The following ZNF185 variants were observed in gnomAD, a reference collection of about 807,000 sequenced individuals.
The protein encoded by ZNF185 is zinc finger protein 185.
ZNF185 carries 56 observed loss-of-function variants against 58.6 expected under a neutral mutation model. That is an observed-to-expected ratio of 0.95 (90% CI 0.77 to 1.19). The LOEUF (loss-of-function observed/expected upper bound fraction) is 1.19. ZNF185 is among the 50% of genes most tolerant of loss of function. The pLI is 0.00. For missense variants in ZNF185, 627 were observed against 573.5 expected (o/e 1.09, Z -0.95); for synonymous variants, 230 against 215.9 (o/e 1.07, Z -0.57).
chrX:152,961,373 G>C (rs1481452435), intron 17 of ZNF185, among the ~76,000 whole-genome samples: 2 of 112,307 alleles, frequency 1.8e-5, no homozygotes, highest in African/African-American at 6.5e-5. Context: ...TAACACATGG[G>C]ATGCATGCCA....
intron 16 of ZNF185, among the ~76,000 whole-genome samples, chrX:152,957,896 C>G (rs1253879402): frequency 8.9e-6 from 1 of 112,376 alleles, no homozygotes; most frequent in East Asian, 2.8e-4. Context: ...TCAGTTTGCA[C>G]AGAGAGAGAG....
exon 23 of ZNF185, chrX:152,971,448 A>C (rs1436808816): frequency 3.6e-5 from 4 of 111,970 alleles, no homozygotes; most frequent in African/African-American, 1.3e-4. Flanking sequence ...ATCGTATCTT[A>C]ATGATGCTAT....
At chrX:152,924,928 C>T (rs1940563306) in intron 11 of ZNF185, among the ~76,000 whole-genome samples, 1 of 111,128 alleles carries the variant, frequency 9.0e-6, no homozygotes. Context: ...GTGATCTGCC[C>T]ACCTCAGGCT....
intron 6 of ZNF185, among the ~76,000 whole-genome samples, chrX:152,918,630 C>T (rs1939030617): frequency 8.9e-6 from 1 of 112,392 alleles, no homozygotes; most frequent in Non-Finnish European, 1.9e-5. Context: ...CCTTAGTGCT[C>T]CCCTTGGGGT....
At chrX:152,909,239 G>A in the ZNF185 span, among the ~76,000 whole-genome samples, 1 of 112,666 alleles carries the variant, frequency 8.9e-6, no homozygotes, top group African/African-American at 3.2e-5. Context: ...TGTGGTGGGT[G>A]CTCTCTCCCT....
At chrX:152,933,445 G>A (rs2045927681) in intron 14 of ZNF185, among the ~76,000 whole-genome samples, 2 of 112,105 alleles carry the variant, frequency 1.8e-5, no homozygotes, top group Admixed American at 9.4e-5. Context: ...AGGCAGCTCT[G>A]CTCTGAGGTT....
chrX:152,951,779 A>T (rs1603293810), intron 16 of ZNF185, among the ~76,000 whole-genome samples: 1 of 111,996 alleles, frequency 8.9e-6, no homozygotes. Flanking sequence ...GGACAAATGA[A>T]CACATTTAAC....
chrX:152,935,449 G>A (rs2046174095), intron 14 of ZNF185, among the ~76,000 whole-genome samples: 2 of 108,022 alleles, frequency 1.9e-5, no homozygotes, highest in Admixed American at 2.0e-4. Flanking sequence ...TGTTAGCCAG[G>A]ATGGTCTCGA....
chrX:152,904,153 G>A, the ZNF185 span, among the ~76,000 whole-genome samples: 7 of 111,750 alleles, frequency 6.3e-5, no homozygotes, highest in East Asian at 2.0e-3. Flanking sequence ...CTCCAGGCGA[G>A]AGCCCCTGGG....
upstream of ZNF185, among the ~76,000 whole-genome samples, chrX:152,909,832 A>G (rs1936869153): frequency 1.8e-5 from 2 of 111,242 alleles, no homozygotes; most frequent in Non-Finnish European, 1.9e-5. Context: ...TGAGCAAGCA[A>G]GAGAAGTCCC....
At chrX:152,948,274 G>A (rs781938651) in intron 16 of ZNF185, among the ~76,000 whole-genome samples, 4 of 111,458 alleles carry the variant, frequency 3.6e-5, no homozygotes, top group South Asian at 3.8e-4. Context: ...AGGAGGGAGC[G>A]GAGGATAAGC....
At chrX:152,963,998 T>C (rs1461191680) in intron 18 of ZNF185, 49 bp downstream of exon 20, 3 of 1,119,558 alleles carry the variant, frequency 2.7e-6, no homozygotes, top group Non-Finnish European at 3.7e-6. Flanking sequence ...CGCCACTTCC[T>C]CCTTGGCGGT....
chrX:152,970,112 G>C (rs1449054029), intron 21 of ZNF185, among the ~76,000 whole-genome samples: 2 of 111,215 alleles, frequency 1.8e-5, no homozygotes, highest in Non-Finnish European at 3.8e-5. Flanking sequence ...GCCCCACTTA[G>C]CAGCTTCTCC....
At chrX:152,957,966 G>C in intron 16 of ZNF185, among the ~76,000 whole-genome samples, 1 of 112,189 alleles carries the variant, frequency 8.9e-6, no homozygotes, top group Non-Finnish European at 1.9e-5. Context: ...CAGGCTTCTG[G>C]GCTCCCTTTC....
chrX:152,954,325 C>T (rs1288940394), intron 16 of ZNF185, among the ~76,000 whole-genome samples: 1 of 110,749 alleles, frequency 9.0e-6, no homozygotes, highest in Non-Finnish European at 1.9e-5. Flanking sequence ...CATTGCAGCA[C>T]TTACTTAACC....
At chrX:152,923,011 T>A (rs2088230265) in intron 11 of ZNF185, among the ~76,000 whole-genome samples, 2 of 112,438 alleles carry the variant, frequency 1.8e-5, no homozygotes, top group Admixed American at 9.4e-5. Context: ...ATAATGGTGC[T>A]CTCTTGTCTG....
At chrX:152,943,719 G>T (rs2047494970) in intron 15 of ZNF185, among the ~76,000 whole-genome samples, 1 of 112,929 alleles carries the variant, frequency 8.9e-6, no homozygotes, top group Non-Finnish European at 1.9e-5. Flanking sequence ...ATTTCTCTTT[G>T]TGGATAATCC....
At chrX:152,950,188 CAT>C (rs1254716759) in intron 16 of ZNF185, among the ~76,000 whole-genome samples, 1 of 112,115 alleles carries the variant, frequency 8.9e-6, no homozygotes. Flanking sequence ...AGCTTAATAA[CAT>C]TAGTGGCAAT....
chrX:152,941,790 A>G, intron 15 of ZNF185: 3 of 1,163,752 alleles, frequency 2.6e-6, no homozygotes, highest in Non-Finnish European at 3.4e-6. Context: ...TCGCCCGAGG[A>G]TCACGAATGG....
Sources: gnomAD v4.1 joint callset for allele counts (sites outside exome capture counted in the v4.1 genomes callset) on GRCh38, gnomAD v4.1.1 for gene constraint, MANE v1.5 for transcripts, NCBI Gene and HGNC (gene_info 2026-07-23, HGNC 2026-07-21) for gene names.